Variants in KCNK9 observed in about 807,000 individuals in gnomAD.
The protein encoded by KCNK9 is potassium channel subfamily K member 9.
Under a neutral mutation model 10.8 loss-of-function variants are expected in KCNK9, and 1 was observed. The observed-to-expected ratio is 0.09, with a 90% confidence interval of 0.03 to 0.44. The LOEUF is 0.44. Ranked by LOEUF, KCNK9 falls within the 20% of genes least tolerant of loss-of-function variation. The pLI, the probability that KCNK9 is intolerant of heterozygous loss-of-function variation, is 0.97. For synonymous variants in KCNK9, 231 were observed against 222.7 expected (o/e 1.04, Z -0.33); for missense variants, 303 against 515.0 (o/e 0.59, Z 3.98).
chr8:139,673,601 G>A (rs978706602), intron 1 of KCNK9, among the ~76,000 whole-genome samples: 5 of 152,186 alleles, frequency 3.3e-5, no homozygotes, highest in African/African-American at 9.7e-5. Flanking sequence ...GAGCTTCAAG[G>A]GCTTTCCAGG....
downstream of KCNK9, among the ~76,000 whole-genome samples, chr8:139,608,946 G>A (rs1320673697): frequency 2.0e-5 from 3 of 152,056 alleles, no homozygotes; most frequent in Admixed American, 6.5e-5. Flanking sequence ...TGGCTGACCT[G>A]GCACTTATTC....
chr8:139,623,906 T>C (rs1814877706), intron 1 of KCNK9, among the ~76,000 whole-genome samples: 1 of 152,014 alleles, frequency 6.6e-6, no homozygotes, highest in African/African-American at 2.4e-5. Flanking sequence ...GCGGGTGAGA[T>C]CTAGCCAAGC....
rs182055849 is a variant in KCNK9, at chr8:139,641,763, G to T, written c.284-22664C>A. 4.1e-3 allele frequency among the ~76,000 whole-genome samples: 620 copies of T among 152,328 alleles called. 7 individuals are homozygous for T. Among genetic ancestry groups the T allele is most frequent in the Middle Eastern group, 0.017 (5 of 294 alleles). ...GTGCCCGCTACATGGCTGCCCTCCT[G>T]GGGGAGGACCAGCTGACTTTCCCTG... On this transcript the variant is annotated intron_variant, in intron 1 of 1. Transcript: ENST00000520439.
intron 1 of KCNK9, among the ~76,000 whole-genome samples, chr8:139,679,569 G>A (rs1165451766): frequency 1.3e-5 from 2 of 152,196 alleles, no homozygotes; most frequent in Admixed American, 6.5e-5. Context: ...GGAATCTGTC[G>A]AAGTCACCAA....
intron 1 of KCNK9, among the ~76,000 whole-genome samples, chr8:139,661,167 A>G (rs1206033687): frequency 6.6e-6 from 1 of 152,094 alleles, no homozygotes; most frequent in Non-Finnish European, 1.5e-5. Flanking sequence ...GAGAGCTTCT[A>G]CCCCATGCTG....
chr8:139,620,538 C>T (rs1814745093), intron 1 of KCNK9, among the ~76,000 whole-genome samples: 1 of 152,114 alleles, frequency 6.6e-6, no homozygotes, highest in African/African-American at 2.4e-5. Flanking sequence ...GAAGCTGCCT[C>T]TGACGGCTCT....
chr8:139,652,345 C>T lies in KCNK9; in HGVS notation c.284-33246G>A, dbSNP rs575497151. Among the ~76,000 whole-genome samples, 5 of 152,342 alleles carry T rather than the reference C, an allele frequency of 3.3e-5. No individual in the cohort carries two copies. The South Asian group carries it at 8.3e-4, about 25-fold the overall frequency. On this transcript the variant is annotated intron_variant, in intron 1 of 1. Transcript: ENST00000520439. ...GTTCCAAGCAGATTCTCTTCCAGGT[C>T]TGCTGACTCCAAGCTCAGTGCTCAC...
intron 1 of KCNK9, among the ~76,000 whole-genome samples, chr8:139,624,661 C>A (rs936404489): frequency 1.3e-5 from 2 of 152,160 alleles, no homozygotes; most frequent in African/African-American, 4.8e-5. Flanking sequence ...GCACATGGAA[C>A]CAACCCCTCG....
chr8:139,606,264 C>T lies in KCNK9; in HGVS notation c.*1-4663G>A, dbSNP rs1817485118. ...CTGCTACAACTTTCCTGATTTCCAT[C>T]ACCCTCCCACAGGGAGTGCTGTGGC... On this transcript the variant is annotated intron_variant, in intron 2 of 2. Transcript: ENST00000650269. 5.3e-5 allele frequency among the ~76,000 whole-genome samples: 8 copies of T among 152,198 alleles called. No individual in the cohort carries two copies. In the South Asian group the frequency reaches 1.5e-3, roughly 28 times the overall value.
chr8:139,674,698 C>A (rs1021070565), intron 1 of KCNK9, among the ~76,000 whole-genome samples: 1 of 152,198 alleles, frequency 6.6e-6, no homozygotes, highest in African/African-American at 2.4e-5. Context: ...GCTGCCTACA[C>A]GTTTGTGAGA....
intron 1 of KCNK9, among the ~76,000 whole-genome samples, chr8:139,669,982 T>C (rs1056043708): frequency 1.3e-5 from 2 of 152,338 alleles, no homozygotes; most frequent in Admixed American, 1.3e-4. Flanking sequence ...GGGTGACAGG[T>C]GCATTGTCAA....
chr8:139,665,104 G>A (rs1006972771), intron 1 of KCNK9, among the ~76,000 whole-genome samples: 2 of 152,176 alleles, frequency 1.3e-5, no homozygotes, highest in Non-Finnish European at 2.9e-5. Context: ...CATGAACTCG[G>A]TGGCTTAAAA....
Position 139,618,965 on chromosome 8 carries a change from G to A in KCNK9, c.418C>T (p.Leu140=). ...ERMNTFVRYL[L]KRIKKCCGMR... is the part of the protein sequence containing the mutation. ...CCACAGCACTTCTTAATGCGCTTCA[G>A]CAGGTAGCGCACGAAGGTGTTCATG... The change falls in exon 2 of 2, where the codon CTG becomes TTG. Residue 140 remains leucine, a synonymous_variant. Coordinates refer to ENST00000520439, the MANE Select transcript of KCNK9 (RefSeq NM_001282534.2). This position sits in a 1 kb window ranked among gnomAD's most constrained non-coding sequence, Gnocchi z 7.9. The A allele has an allele frequency of 6.2e-7, 1 of 1,614,234 alleles. No homozygotes were observed. Among genetic ancestry groups the A allele is most frequent in the South Asian group, 1.1e-5 (1 of 91,086 alleles).
chr8:139,678,532 G>A (rs1478040773), intron 1 of KCNK9, among the ~76,000 whole-genome samples: 2 of 152,246 alleles, frequency 1.3e-5, no homozygotes, highest in Non-Finnish European at 2.9e-5. Flanking sequence ...TCCAGGATGA[G>A]GCTCAGGAAG....
intron 1 of KCNK9, among the ~76,000 whole-genome samples, chr8:139,646,725 C>T (rs1468199306): frequency 6.6e-6 from 1 of 152,238 alleles, no homozygotes; most frequent in Non-Finnish European, 1.5e-5. Flanking sequence ...GCCATCTTTC[C>T]AGGCTTTTGA....
chr8:139,652,663 A>T (rs1815903749), intron 1 of KCNK9, among the ~76,000 whole-genome samples: 3 of 152,230 alleles, frequency 2.0e-5, no homozygotes, highest in Non-Finnish European at 2.9e-5. Flanking sequence ...GAATGGGGGA[A>T]ATACGGACCT....
In KCNK9 at chr8:139,702,566, A is replaced by T. The variant is rs1046529982; in HGVS notation, c.283+144T>A. ...GCGCCGCGGAGGGGGGGCTCCCTAG[A>T]GAGGAGGGGGCGCTGCGGGAAGGCC... On this transcript the variant is annotated intron_variant, in intron 1 of 1. Transcript: ENST00000520439. The surrounding 1 kb of genome is among the most constrained non-coding windows in gnomAD (Gnocchi z 7.5). 1.2e-6 allele frequency: 1 copy of T among 824,338 alleles called. No individual in the cohort carries two copies. The highest frequency in any genetic ancestry group is 1.8e-5 in the African/African-American group (1 of 56,902). The allele number at this position is 824,338 out of a possible 1,614,324, so 51.1% of individuals were successfully genotyped here.
chr8:139,681,793 C>G (rs1203181650), intron 1 of KCNK9, among the ~76,000 whole-genome samples: 1 of 152,212 alleles, frequency 6.6e-6, no homozygotes, highest in Non-Finnish European at 1.5e-5. Flanking sequence ...GCCTCAGCAC[C>G]CTACTTGGAA....
intron 1 of KCNK9, among the ~76,000 whole-genome samples, chr8:139,682,049 G>T (rs1027080535): frequency 3.1e-4 from 47 of 152,300 alleles, no homozygotes; most frequent in Non-Finnish European, 3.4e-4. Flanking sequence ...CAGGCACCTC[G>T]GGCTGAGTGG....
Sources: allele counts gnomAD v4.1 joint callset (sites outside exome capture counted in the v4.1 genomes callset), GRCh38; gene constraint gnomAD v4.1.1; non-coding constraint Gnocchi (gnomAD v3.1); transcripts MANE v1.5; gene names NCBI Gene and HGNC (gene_info 2026-07-23, HGNC 2026-07-21).